The following CCDC57 variants were observed in gnomAD, a reference collection of about 807,000 sequenced individuals.
The protein encoded by CCDC57 is coiled-coil domain containing 57, also known as coiled-coil domain-containing protein 57.
CCDC57 carries 118 observed loss-of-function variants against 118.9 expected under a neutral mutation model. The ratio of observed to expected loss-of-function variants is 0.99; its 90% CI spans 0.86 to 1.16. The LOEUF is 1.16. Ranked by LOEUF, CCDC57 falls within the 50% of genes most tolerant of loss-of-function variation. The pLI, the probability that CCDC57 is intolerant of heterozygous loss-of-function variation, is 0.00. For missense variants in CCDC57, 1,300 were observed against 1,320.7 expected (o/e 0.98, Z 0.24); for synonymous variants, 527 against 532.9 (o/e 0.99, Z 0.15).
chr17:82,177,995 G>C (rs2045744444), intron 11 of CCDC57, among the ~76,000 whole-genome samples: 1 of 152,202 alleles, frequency 6.6e-6, no homozygotes, highest in African/African-American at 2.4e-5. Context: ...TGACAGCTCA[G>C]ACAAGCTCCT....
chr17:82,103,511 G>C (rs1377466168), intron 19 of CCDC57, among the ~76,000 whole-genome samples: 1 of 152,188 alleles, frequency 6.6e-6, no homozygotes, highest in Non-Finnish European at 1.5e-5. Context: ...CAGAGGGTGG[G>C]GTATCCCGTG....
rs1443924932 is a variant in CCDC57, at chr17:82,212,447, C to T, written c.-211+338G>A. 6.9e-6 allele frequency among the ~76,000 whole-genome samples: 1 copy of T among 144,214 alleles called. No homozygotes were observed. Among genetic ancestry groups the T allele is most frequent in the African/African-American group, 2.6e-5 (1 of 38,658 alleles). 94.6% of individuals were successfully genotyped at this position (144,214 alleles called of 152,430 possible). A position where few individuals can be genotyped will look rare whatever the true frequency, so the allele number is the denominator to read the frequency against. On this transcript the variant is annotated intron_variant, in intron 1 of 19. Coordinates refer to ENST00000665763, the Ensembl canonical transcript of CCDC57. This position sits in a 1 kb window ranked among gnomAD's most constrained non-coding sequence, Gnocchi z 4.1. ...CACAGACACTGTAAGGCTGCCTGGG[C>T]GCGGAGCCGTCCTTGCCGGCGGCGG...
In CCDC57 at chr17:82,118,664, C is replaced by T. The variant is rs1416207963; in HGVS notation, c.2899+9028G>A. 2.0e-5 allele frequency among the ~76,000 whole-genome samples: 3 copies of T among 152,134 alleles called. No individual in the cohort carries two copies. The highest frequency in any genetic ancestry group is 7.2e-5 in the African/African-American group (3 of 41,430). ...ATTTCTTTGGGGTGAGGTCAGACAT[C>T]TGCCTGGGTGCTTCTCTGGAACTGC... On this transcript the variant is annotated intron_variant, in intron 19 of 19. Transcript: ENST00000665763. The surrounding 1 kb of genome is among the most constrained non-coding windows in gnomAD (Gnocchi z 4.7).
intron 17 of CCDC57, among the ~76,000 whole-genome samples, chr17:82,132,118 CAAAA>C (rs58856013): frequency 0.48 from 48,647 of 101,364 alleles, 7,996 homozygotes; most frequent in East Asian, 0.77. Context: ...GACTCTGTCT[CAAAA>C]AAAAAAAAAA....
intron 9 of CCDC57, among the ~76,000 whole-genome samples, chr17:82,179,820 C>G (rs141466872): frequency 2.0e-5 from 3 of 152,168 alleles, no homozygotes; most frequent in African/African-American, 7.2e-5. Context: ...AGATCCCACA[C>G]GCACACAGTA....
At chr17:82,105,356 C>G (rs1306103722) in intron 19 of CCDC57, among the ~76,000 whole-genome samples, 1 of 152,174 alleles carries the variant, frequency 6.6e-6, no homozygotes, top group African/African-American at 2.4e-5. Flanking sequence ...CAAGATCAAC[C>G]CTTCTCAAAT....
At chr17:82,163,474 G>T in intron 13 of CCDC57, 117 bp from the exon 13 acceptor site, 2 of 1,237,098 alleles carry the variant, frequency 1.6e-6, no homozygotes, top group South Asian at 1.4e-5. Context: ...ACCAGCGGCT[G>T]ACCCCAATGC....
chr17:82,204,853 C>T (rs1013765137), intron 2 of CCDC57, among the ~76,000 whole-genome samples: 14 of 152,218 alleles, frequency 9.2e-5, no homozygotes, highest in African/African-American at 1.4e-4. Context: ...TCCTGCCTGT[C>T]GCTGCCACGT....
exon 7 of CCDC57, chr17:82,193,815 C>A: frequency 6.3e-7 from 1 of 1,597,412 alleles, no homozygotes; most frequent in Non-Finnish European, 8.5e-7. Flanking sequence ...GAAGTTTATC[C>A]TCTAAATCCT....
chr17:82,128,443 G>C lies in CCDC57; in HGVS notation c.2682+50C>G, dbSNP rs1030259527. 5 of 1,359,386 alleles carry C rather than the reference G, an allele frequency of 3.7e-6. No homozygotes were observed. In the African/African-American group the frequency reaches 4.4e-5, roughly 12 times the overall value. The allele number at this position is 1,359,386 out of a possible 1,614,324, so 84.2% of individuals were successfully genotyped here. ...AGAGCACCCAGGCCCCGGCTTCCCTGCTGGCCACACCCCACACAGCTGCAC... is the reference window on the plus strand; with the variant it reads ...AGAGCACCCAGGCCCCGGCTTCCCTCCTGGCCACACCCCACACAGCTGCAC... On this transcript the variant is annotated intron_variant, in intron 18 of 19. Coordinates refer to ENST00000665763, the Ensembl canonical transcript of CCDC57.
rs2048151032 is a variant in CCDC57 at position 82,195,185 on chromosome 17, A to G, written c.618+78T>C. 5 of 1,040,174 alleles carry G rather than the reference A, an allele frequency of 4.8e-6. No individual in the cohort carries two copies. In the South Asian group the frequency reaches 6.8e-5, roughly 14 times the overall value. The allele number at this position is 1,040,174 out of a possible 1,614,324, so 64.4% of individuals were successfully genotyped here. A position where few individuals can be genotyped will look rare whatever the true frequency, so the allele number is the denominator to read the frequency against. On this transcript the variant is annotated intron_variant, in intron 5 of 19. Coordinates refer to ENST00000665763, the Ensembl canonical transcript of CCDC57. The stretch of plus-strand genomic sequence containing the variant: ...CTTGCCTTGGTCTCCCAAAGTGCTG[A>G]GATGACAGGTGTGAGCCACCACACC...
At chr17:82,188,590 C>T (rs2047270404) in intron 7 of CCDC57, among the ~76,000 whole-genome samples, 171 bp from the exon 7 acceptor site, 2 of 152,252 alleles carry the variant, frequency 1.3e-5, no homozygotes, top group South Asian at 4.1e-4. Flanking sequence ...CGCAGGTAAA[C>T]ATGGACCAAG....
chr17:82,108,024 G>A (rs1316453430), intron 19 of CCDC57, among the ~76,000 whole-genome samples: 1 of 152,202 alleles, frequency 6.6e-6, no homozygotes, highest in Admixed American at 6.5e-5. Flanking sequence ...CTGCTCCTGG[G>A]GCAGGCTGGT....
At chr17:82,178,900 T>C in intron 10 of CCDC57, 127 bp downstream of exon 9, 1 of 1,076,984 alleles carries the variant, frequency 9.3e-7, no homozygotes, top group Non-Finnish European at 1.3e-6. Flanking sequence ...TTTATTACTC[T>C]AATTACTCAG....
chr17:82,139,274 G>A (rs2039703538), intron 16 of CCDC57, among the ~76,000 whole-genome samples: 1 of 152,196 alleles, frequency 6.6e-6, no homozygotes, highest in East Asian at 1.9e-4. Context: ...TTCTTGCTAT[G>A]AACAGACCTT....
chr17:82,161,793 G>C lies in CCDC57; in HGVS notation c.2040+1407C>G, dbSNP rs1354772670. Among the ~76,000 whole-genome samples, 2 of 152,096 alleles carry C rather than the reference G, an allele frequency of 1.3e-5. 1 individual carries two copies. On this transcript the variant is annotated intron_variant, in intron 14 of 19. Coordinates refer to ENST00000665763, the Ensembl canonical transcript of CCDC57. Reference sequence around the variant, plus strand: ...TTGTACCGAGCTTCTATCTGGGGTGGGGAGAAAAGCTCCGGTAATAGTGAG... The same window carrying C: ...TTGTACCGAGCTTCTATCTGGGGTGCGGAGAAAAGCTCCGGTAATAGTGAG...
In CCDC57 at chr17:82,172,704, T is replaced by A. The variant is rs752498849; in HGVS notation, c.1663A>T (p.Thr555Ser). The A allele has an allele frequency of 6.4e-7, 1 of 1,574,636 alleles. No individual in the cohort carries two copies. The highest frequency in any genetic ancestry group is 2.3e-5 in the East Asian group (1 of 43,362). ...TTTGCATCTGTGCTCTCTGCCGCTGTCTGGATGGGAGGAGGAATCTGATGG... is the reference window on the plus strand; with the variant it reads ...TTTGCATCTGTGCTCTCTGCCGCTGACTGGATGGGAGGAGGAATCTGATGG... Residue 555 changes from threonine to serine, a missense_variant, in exon 12 of 20, where the codon ACA becomes TCA. Physicochemically the swap from Thr to Ser is moderately conservative, Grantham distance 58 (BLOSUM62 1). Transcript: ENST00000665763. This position sits in a 1 kb window ranked among gnomAD's most constrained non-coding sequence, Gnocchi z 5.2.
In CCDC57 at chr17:82,184,556, C is replaced by T. The variant is rs571748325; in HGVS notation, c.1053-624G>A. Among the ~76,000 whole-genome samples, 57 of 152,352 alleles carry T rather than the reference C, an allele frequency of 3.7e-4. No individual in the cohort carries two copies. The South Asian group carries it at 8.7e-3, about 23-fold the overall frequency. ...CAGTACTAACCTAGGCAAGATGATA[C>T]CTGCCCACTTGCATGGGCGTAGCCC... On this transcript the variant is annotated intron_variant, in intron 8 of 19. Transcript: ENST00000665763.
rs1225152483 is a variant in CCDC57, at chr17:82,179,031, CTT to C, written c.1368_1369del (p.Gln458GlyfsTer51). On this transcript the variant is annotated frameshift_variant, in exon 10 of 20. Transcript: ENST00000665763. LOFTEE classifies it high-confidence loss of function. ...GGCCCTGGTGGCCGCACACACCTGA[CTT>C]TTTGCCATGCTCAGACCCTGAATCA... 2 of 1,613,324 alleles carry C rather than the reference CTT, an allele frequency of 1.2e-6. No individual in the cohort carries two copies. Among genetic ancestry groups the C allele is most frequent in the Non-Finnish European group, 1.7e-6 (2 of 1,179,586 alleles).
Sources: allele counts gnomAD v4.1 joint callset (sites outside exome capture counted in the v4.1 genomes callset), GRCh38; gene constraint gnomAD v4.1.1; non-coding constraint Gnocchi (gnomAD v3.1); transcripts MANE v1.5; gene names NCBI Gene and HGNC (gene_info 2026-07-23, HGNC 2026-07-21).